Variants in CERS3 observed in about 807,000 individuals in gnomAD.
The protein encoded by CERS3 is LAG1 homolog, ceramide synthase 3.
Under a neutral mutation model 50.3 loss-of-function variants are expected in CERS3, and 33 were observed. The ratio of observed to expected loss-of-function variants is 0.66; its 90% CI spans 0.50 to 0.88. The LOEUF (loss-of-function observed/expected upper bound fraction) is 0.88, where lower values mean the gene tolerates loss of function less well. CERS3 is among the 40% of genes least tolerant of loss of function. CERS3 has a pLI of 0.00. For synonymous variants in CERS3, 176 were observed against 155.2 expected (o/e 1.13, Z -0.99); for missense variants, 470 against 460.3 (o/e 1.02, Z -0.19).
chr15:100,478,982 G>C lies in CERS3; in HGVS notation c.516+446C>G, dbSNP rs141049700. ...CTAATTACCTTTCAGTGAGTGGAAA[G>C]AGGTAAGAACACCGATTTGTATCAG... On this transcript the variant is annotated intron_variant, in intron 7 of 11. Transcript: ENST00000679737. Among the ~76,000 whole-genome samples the C allele has an allele frequency of 4.6e-5, 7 of 152,254 alleles. No individual in the cohort carries two copies. In the East Asian group the frequency reaches 1.4e-3, roughly 29 times the overall value.
chr15:100,424,113 G>T (rs2142099194), intron 11 of CERS3, among the ~76,000 whole-genome samples: 1 of 152,084 alleles, frequency 6.6e-6, no homozygotes, highest in African/African-American at 2.4e-5. Flanking sequence ...AGCTAATTTT[G>T]TATTTCTAGT....
Position 100,441,859 on chromosome 15 carries a change from C to A in CERS3, c.999+14034G>T, listed in dbSNP as rs192850017. Among the ~76,000 whole-genome samples, 454 of 151,974 alleles carry A rather than the reference C, an allele frequency of 3.0e-3. 2 individuals carry two copies. Among genetic ancestry groups the A allele is most frequent in the Non-Finnish European group, 5.0e-3 (339 of 67,928 alleles). The stretch of plus-strand genomic sequence containing the variant: ...CCAAATCTTCCTTCTTTCCCTCCCG[C>A]CTGTCCCCTCAGTCCCAACCCCAAG... On this transcript the variant is annotated intron_variant, in intron 11 of 11. Coordinates refer to ENST00000679737, the MANE Select transcript of CERS3 (RefSeq NM_001378789.1).
chr15:100,461,556 T>C (rs1369129849), intron 10 of CERS3, among the ~76,000 whole-genome samples: 2 of 152,230 alleles, frequency 1.3e-5, no homozygotes, highest in Non-Finnish European at 2.9e-5. Flanking sequence ...AAAGTGCCTA[T>C]TACATAGTAA....
chr15:100,463,109 A>T (rs983380217), intron 10 of CERS3, among the ~76,000 whole-genome samples: 1 of 152,198 alleles, frequency 6.6e-6, no homozygotes, highest in Non-Finnish European at 1.5e-5. Flanking sequence ...AAATGGGGCA[A>T]AATGCTAACT....
chr15:100,477,318 C>T lies in CERS3; in HGVS notation c.517-1140G>A, dbSNP rs145197203. 1.3e-3 allele frequency among the ~76,000 whole-genome samples: 201 copies of T among 152,250 alleles called. 2 individuals are homozygous for T. The highest frequency in any genetic ancestry group is 3.9e-3 in the African/African-American group (164 of 41,536). On this transcript the variant is annotated intron_variant, in intron 7 of 11. Coordinates refer to ENST00000679737, the MANE Select transcript of CERS3 (RefSeq NM_001378789.1). ...TCTAATTTTATTGAATTCTTTAATG[C>T]TGAGGCTAACGTATAACGAATTTTT...
In CERS3 at chr15:100,445,459, G is replaced by T. The variant is rs189414136; in HGVS notation, c.999+10434C>A. On this transcript the variant is annotated intron_variant, in intron 11 of 11. Transcript: ENST00000679737. ...CTCCTTTGGCACTCTCTAATTAGATGTCCTAGGTCCTCCCAATTCTTAGTC... is the reference window on the plus strand; with the variant it reads ...CTCCTTTGGCACTCTCTAATTAGATTTCCTAGGTCCTCCCAATTCTTAGTC... 5.3e-5 allele frequency among the ~76,000 whole-genome samples: 8 copies of T among 152,252 alleles called. No individual in the cohort carries two copies. In the East Asian group the frequency reaches 1.5e-3, roughly 29 times the overall value.
At position 100,402,419 on chromosome 15, in the gene CERS3, CT is replaced by C; in HGVS notation, c.*293del. 1 of 345,914 alleles carries C rather than the reference CT, an allele frequency of 2.9e-6. No individual in the cohort carries two copies. Among genetic ancestry groups the C allele is most frequent in the East Asian group, 5.8e-5 (1 of 17,096 alleles). The allele number at this position is 345,914 out of a possible 1,614,324, so 21.4% of individuals were successfully genotyped here. A position where few individuals can be genotyped will look rare whatever the true frequency, so the allele number is the denominator to read the frequency against. On this transcript the variant is annotated 3_prime_UTR_variant, in exon 12 of 12. Transcript: ENST00000679737. The stretch of plus-strand genomic sequence containing the variant: ...AAAGGGTCTATAACAAAGCGAGCCC[CT>C]GAGAAAGTGACATGCATGAGGGAGT...
intron 11 of CERS3, among the ~76,000 whole-genome samples, chr15:100,422,960 T>G (rs1160042361): frequency 2.2e-5 from 3 of 135,254 alleles, no homozygotes; most frequent in African/African-American, 8.0e-5. Context: ...GGGGGAGGGA[T>G]AGTATCCGGA....
chr15:100,453,435 TA>T (rs1344776144), intron 11 of CERS3, among the ~76,000 whole-genome samples: 1 of 152,192 alleles, frequency 6.6e-6, no homozygotes, highest in Non-Finnish European at 1.5e-5. Context: ...AAAAAGCATT[TA>T]ATAAAATTCA....
chr15:100,419,789 C>T lies in CERS3; in HGVS notation c.1000-16924G>A, dbSNP rs1016147746. On this transcript the variant is annotated intron_variant, in intron 11 of 11. Coordinates refer to ENST00000679737, the MANE Select transcript of CERS3 (RefSeq NM_001378789.1). ...CAGGATTAAGAATCTCACTCCAAAC[C>T]ACTCAACTACATGGAAACTGAACAA... 3.5e-3 allele frequency among the ~76,000 whole-genome samples: 510 copies of T among 145,242 alleles called. 4 individuals carry two copies. The highest frequency in any genetic ancestry group is 0.012 in the African/African-American group (476 of 39,344).
At chr15:100,486,678 T>A (rs1184465351) in intron 4 of CERS3, among the ~76,000 whole-genome samples, 2 of 152,264 alleles carry the variant, frequency 1.3e-5, no homozygotes, top group Non-Finnish European at 2.9e-5. Context: ...GGCATGCTGC[T>A]GCACTACACT....
intron 2 of CERS3, among the ~76,000 whole-genome samples, chr15:100,513,787 T>C (rs1210224562): frequency 1.3e-5 from 2 of 152,170 alleles, no homozygotes; most frequent in African/African-American, 4.8e-5. Context: ...TCCTTCCACC[T>C]CAGCTTTCCA....
chr15:100,417,471 G>A (rs1327747830), intron 11 of CERS3, among the ~76,000 whole-genome samples: 4 of 152,048 alleles, frequency 2.6e-5, no homozygotes, highest in African/African-American at 9.7e-5. Flanking sequence ...AGCAGTCTGA[G>A]ATCAAACTGC....
At chr15:100,420,647 C>T (rs1333005894) in intron 11 of CERS3, among the ~76,000 whole-genome samples, 5 of 151,400 alleles carry the variant, frequency 3.3e-5, no homozygotes, top group African/African-American at 1.2e-4. Flanking sequence ...AATTTTAGAC[C>T]AATATCCTTG....
At chr15:100,433,435 A>T (rs974893530) in intron 11 of CERS3, among the ~76,000 whole-genome samples, 2 of 152,102 alleles carry the variant, frequency 1.3e-5, no homozygotes, top group African/African-American at 4.8e-5. Context: ...GCTTATCTAT[A>T]AGGAGAAGAA....
chr15:100,475,449 C>T (rs2035097217), intron 8 of CERS3, among the ~76,000 whole-genome samples: 1 of 152,200 alleles, frequency 6.6e-6, no homozygotes, highest in Non-Finnish European at 1.5e-5. Flanking sequence ...ATCATTTGAT[C>T]TGAATTGCTT....
At chr15:100,526,755 G>A (rs1321110575) in intron 1 of CERS3, among the ~76,000 whole-genome samples, 1 of 151,856 alleles carries the variant, frequency 6.6e-6, no homozygotes, top group Non-Finnish European at 1.5e-5. Context: ...ACTCCCTGAG[G>A]GCAGGGACTT....
Position 100,479,419 on chromosome 15 carries a change from T to A in CERS3, c.516+9A>T. ...AAGTAAGGGGAGGAATATGTTATAG[T>A]GGACTTACCTGTTTGGGATAGCCAT... On this transcript the variant is annotated intron_variant, in intron 7 of 11. Coordinates refer to ENST00000679737, the MANE Select transcript of CERS3 (RefSeq NM_001378789.1). 2 of 1,595,394 alleles carry A rather than the reference T, an allele frequency of 1.3e-6. No homozygotes were observed. The highest frequency in any genetic ancestry group is 1.7e-6 in the Non-Finnish European group (2 of 1,169,096).
At chr15:100,513,387 T>C (rs2036402252) in intron 2 of CERS3, among the ~76,000 whole-genome samples, 1 of 152,160 alleles carries the variant, frequency 6.6e-6, no homozygotes. Flanking sequence ...CTCCTGTAAC[T>C]GAGATGCTTG....
Sources: allele counts gnomAD v4.1 joint callset (sites outside exome capture counted in the v4.1 genomes callset), GRCh38; gene constraint gnomAD v4.1.1; transcripts MANE v1.5; gene names NCBI Gene and HGNC (gene_info 2026-07-23, HGNC 2026-07-21).